The following UGT1A9 variants were observed in gnomAD, a reference collection of about 807,000 sequenced individuals.
UGT1A9 encodes UDP-glucuronosyltransferase 1A9.
A neutral mutation model predicts 45.0 loss-of-function variants in UGT1A9; 35 were observed. That is an observed-to-expected ratio of 0.78 (90% CI 0.59 to 1.03). The LOEUF (loss-of-function observed/expected upper bound fraction) is 1.03, where lower values mean the gene tolerates loss of function less well. UGT1A9 is among the 50% of genes least tolerant of loss of function. UGT1A9 has a pLI of 0.00. For synonymous variants in UGT1A9, 278 were observed against 250.6 expected (o/e 1.11, Z -1.03); for missense variants, 687 against 666.6 (o/e 1.03, Z -0.34).
intron 1 of UGT1A9, among the ~76,000 whole-genome samples, chr2:233,695,413 C>T (rs1307794775): frequency 6.9e-6 from 1 of 145,526 alleles, no homozygotes; most frequent in Non-Finnish European, 1.5e-5. Flanking sequence ...CGTGAGCTAC[C>T]GCGCCCGGCC....
At chr2:233,695,346 A>G (rs1429075001) in intron 1 of UGT1A9, among the ~76,000 whole-genome samples, 2 of 151,402 alleles carry the variant, frequency 1.3e-5, no homozygotes, top group African/African-American at 4.8e-5. Context: ...GGATGGTCTC[A>G]ATCTCTTGAC....
chr2:233,727,024 C>A (rs1363887346), intron 1 of UGT1A9, among the ~76,000 whole-genome samples: 2 of 152,054 alleles, frequency 1.3e-5, no homozygotes, highest in African/African-American at 4.8e-5. Flanking sequence ...TGTTTTTGTA[C>A]CCTAAGGAAT....
intron 1 of UGT1A9, chr2:233,719,017 A>G: frequency 6.2e-7 from 1 of 1,614,274 alleles, no homozygotes; most frequent in Non-Finnish European, 8.5e-7. Flanking sequence ...CCAGAGGTGA[A>G]TATGCACATC....
At chr2:233,731,359 A>G (rs2078149638) in intron 1 of UGT1A9, among the ~76,000 whole-genome samples, 1 of 151,208 alleles carries the variant, frequency 6.6e-6, no homozygotes, top group Admixed American at 6.6e-5. Context: ...ATAGGTATAC[A>G]TGTGCCATGT....
intron 1 of UGT1A9, among the ~76,000 whole-genome samples, chr2:233,685,193 C>T (rs1028451320): frequency 3.3e-5 from 5 of 151,888 alleles, no homozygotes; most frequent in African/African-American, 1.2e-4. Flanking sequence ...AACATTAAAA[C>T]GGTTTTGTTT....
intron 1 of UGT1A9, among the ~76,000 whole-genome samples, chr2:233,724,261 G>T: frequency 1.0e-5 from 1 of 98,912 alleles, no homozygotes; most frequent in African/African-American, 4.1e-5. Context: ...CTCACCTCCC[G>T]GACGGGGCGG....
At chr2:233,729,824 G>C in intron 1 of UGT1A9, 1 of 1,613,884 alleles carries the variant, frequency 6.2e-7, no homozygotes, top group South Asian at 1.1e-5. Flanking sequence ...CCTTATGCAA[G>C]CCTTGCCTCT....
chr2:233,671,970 A>G lies in UGT1A9; in HGVS notation c.36A>G (p.Leu12=), dbSNP rs1457594070. 6.2e-6 allele frequency: 10 copies of G among 1,613,648 alleles called. No individual in the cohort carries two copies. The highest frequency in any genetic ancestry group is 2.2e-5 in the East Asian group (1 of 44,884). ...CAGGGTGGACCAGCCCCCTTCCTCTATGTGTGTGTCTGCTGCTGACCTGTG... is the reference window on the plus strand; with the variant it reads ...CAGGGTGGACCAGCCCCCTTCCTCTGTGTGTGTGTCTGCTGCTGACCTGTG... The part of the protein sequence containing the change: ...ACTGWTSPLP[L]CVCLLLTCGF... Residue 12 remains leucine, a synonymous_variant, in exon 1 of 5, where the codon CTA becomes CTG. Transcript: ENST00000354728.
chr2:233,763,186 T>C (rs1029740722), intron 1 of UGT1A9, among the ~76,000 whole-genome samples: 4 of 152,264 alleles, frequency 2.6e-5, no homozygotes, highest in Non-Finnish European at 4.4e-5. Flanking sequence ...TATTTGTTGT[T>C]GCCTTGTTTG....
chr2:233,732,613 T>C (rs1008182580), intron 1 of UGT1A9, among the ~76,000 whole-genome samples: 11 of 152,338 alleles, frequency 7.2e-5, no homozygotes, highest in Admixed American at 4.6e-4. Context: ...ATCAAATGGT[T>C]GTAGATGTGT....
At chr2:233,677,182 C>T (rs1451476805) in intron 1 of UGT1A9, among the ~76,000 whole-genome samples, 1 of 152,104 alleles carries the variant, frequency 6.6e-6, no homozygotes, top group East Asian at 1.9e-4. Context: ...ATTAACATAT[C>T]TTTTTATTTA....
At chr2:233,747,138 G>A in intron 1 of UGT1A9, 1 of 1,552,384 alleles carries the variant, frequency 6.4e-7, no homozygotes. Context: ...CAGTGACAAG[G>A]TAATTAAGAT....
chr2:233,767,127 A>G lies in UGT1A9; in HGVS notation c.949A>G (p.Met317Val), dbSNP rs749159613. 5.0e-6 allele frequency: 8 copies of G among 1,614,028 alleles called. No homozygotes were observed. Among genetic ancestry groups the G allele is most frequent in the South Asian group, 2.2e-5 (2 of 91,084 alleles). The change falls in exon 2 of 5, where the codon ATG (methionine) becomes GTG (valine). Residue 317 changes from methionine (M) to valine (V), a missense_variant. Met to Val is a conservative substitution (Grantham distance 21). Coordinates refer to ENST00000354728, the MANE Select transcript of UGT1A9 (RefSeq NM_021027.3). Reference sequence around the variant, plus strand: ...CTCAGAAATTCCAGAGAAGAAAGCTATGGCAATTGCTGATGCTTTGGGCAA... The same window carrying G: ...CTCAGAAATTCCAGAGAAGAAAGCTGTGGCAATTGCTGATGCTTTGGGCAA... The part of the protein sequence containing the change: ...MVSEIPEKKA[M>V]AIADALGKIP...
chr2:233,724,108 C>T (rs1455095780), intron 1 of UGT1A9, among the ~76,000 whole-genome samples: 64 of 55,750 alleles, frequency 1.1e-3, no homozygotes, highest in South Asian at 2.6e-3. Context: ...TAGGGGCGGC[C>T]GGGCAGAGGC....
intron 1 of UGT1A9, among the ~76,000 whole-genome samples, chr2:233,726,328 C>T (rs2077525468): frequency 6.6e-6 from 1 of 152,196 alleles, no homozygotes; most frequent in Non-Finnish European, 1.5e-5. Context: ...GGAGTTTCAG[C>T]ACCTGTGGTT....
rs932840161 is a variant in UGT1A9, at chr2:233,740,624, G to A, written c.856-26410G>A. ...TCTCCAGGTCTCTTGGGGCTCACAG[G>A]GTCATGCCTTTCCTTGCCCAGTGTA... On this transcript the variant is annotated intron_variant, in intron 1 of 4. Coordinates refer to ENST00000354728, the MANE Select transcript of UGT1A9 (RefSeq NM_021027.3). 1.3e-5 allele frequency: 2 copies of A among 151,796 alleles called. 1 individual carries two copies. Among genetic ancestry groups the A allele is most frequent in the African/African-American group, 4.9e-5 (2 of 41,062 alleles). 9.4% of individuals were successfully genotyped at this position (151,796 alleles called of 1,614,324 possible).
chr2:233,691,972 G>T lies in UGT1A9; in HGVS notation c.855+19183G>T, dbSNP rs1349071943. 5 of 152,224 alleles carry T rather than the reference G, an allele frequency of 3.3e-5. No homozygotes were observed. The East Asian group carries it at 9.6e-4, about 29-fold the overall frequency. 9.4% of individuals were successfully genotyped at this position (152,224 alleles called of 1,614,324 possible). A position where few individuals can be genotyped will look rare whatever the true frequency, so the allele number is the denominator to read the frequency against. On this transcript the variant is annotated intron_variant, in intron 1 of 4. Coordinates refer to ENST00000354728, the MANE Select transcript of UGT1A9 (RefSeq NM_021027.3). ...TTGTTATTCAAAACAGATCCCTTTC[G>T]ATCACACCTAAGTTTATGTAAAGGA...
At chr2:233,740,203 T>G (rs1381111431) in intron 1 of UGT1A9, among the ~76,000 whole-genome samples, 1 of 151,870 alleles carries the variant, frequency 6.6e-6, no homozygotes, top group Non-Finnish European at 1.5e-5. Context: ...TTTTATAAAT[T>G]ACCCAGTCTC....
intron 1 of UGT1A9, among the ~76,000 whole-genome samples, chr2:233,724,233 G>A (rs1323099966): frequency 1.2e-4 from 15 of 126,038 alleles, no homozygotes; most frequent in African/African-American, 3.9e-4. Context: ...CAGTAGGGGC[G>A]GCCGGGCAGA....
Sources: gnomAD v4.1 joint callset for allele counts (sites outside exome capture counted in the v4.1 genomes callset) on GRCh38, gnomAD v4.1.1 for gene constraint, MANE v1.5 for transcripts, NCBI Gene and HGNC (gene_info 2026-07-23, HGNC 2026-07-21) for gene names.